Variants in DEUP1 observed in about 807,000 individuals in gnomAD.
DEUP1 encodes the protein deuterosome assembly protein 1, also known as coiled-coil domain containing 67.
In DEUP1, 82 loss-of-function variants were observed where a neutral mutation model predicts 87.4. The ratio of observed to expected loss-of-function variants is 0.94; its 90% confidence interval spans 0.78 to 1.13. DEUP1 has a LOEUF of 1.13. Among genes scored for constraint, DEUP1 ranks in the 50% most tolerant of loss-of-function variants. DEUP1 has a pLI of 0.00. For missense variants in DEUP1, 663 were observed against 681.5 expected (o/e 0.97, Z 0.30); for synonymous variants, 214 against 222.7 (o/e 0.96, Z 0.35).
At chr11:93,351,373 A>G (rs1332007872) in intron 2 of DEUP1, among the ~76,000 whole-genome samples, 1 of 152,212 alleles carries the variant, frequency 6.6e-6, no homozygotes, top group East Asian at 1.9e-4. Context: ...TTCATTCTTT[A>G]GAGATTTATT....
chr11:93,433,432 T>C (rs1232619706), intron 13 of DEUP1, among the ~76,000 whole-genome samples: 1 of 152,144 alleles, frequency 6.6e-6, no homozygotes, highest in Non-Finnish European at 1.5e-5. Flanking sequence ...AGTGGGAGGA[T>C]CACTTGAGCC....
intron 6 of DEUP1, among the ~76,000 whole-genome samples, chr11:93,370,451 C>T (rs2134264232): frequency 6.6e-6 from 1 of 152,324 alleles, no homozygotes; most frequent in African/African-American, 2.4e-5. Context: ...AGGCAAGGCA[C>T]TCAAAGAATT....
At chr11:93,369,725 A>T (rs1945616243) in intron 5 of DEUP1, among the ~76,000 whole-genome samples, 1 of 49,610 alleles carries the variant, frequency 2.0e-5, no homozygotes, top group Non-Finnish European at 3.9e-5. Flanking sequence ...AGGTCAGGAG[A>T]TCGAGACCAT....
Position 93,437,767 on chromosome 11 carries a change from A to G in DEUP1, c.*48A>G. 6.6e-6 allele frequency: 6 copies of G among 907,400 alleles called. No homozygotes were observed. The highest frequency in any genetic ancestry group is 8.3e-6 in the Non-Finnish European group (5 of 600,820). 56.2% of individuals were successfully genotyped at this position (907,400 alleles called of 1,614,324 possible). A position where few individuals can be genotyped will look rare whatever the true frequency, so the allele number is the denominator to read the frequency against. On this transcript the variant is annotated 3_prime_UTR_variant, in exon 14 of 14. Coordinates refer to ENST00000298050, the MANE Select transcript of DEUP1 (RefSeq NM_181645.4). ...TTCCCCCCCCCACCCCCGCCAAGAA[A>G]AAAAGCTCTGGCAAAATATTTACAA...
At chr11:93,403,895 A>G (rs2134400734) in intron 11 of DEUP1, among the ~76,000 whole-genome samples, 1 of 152,200 alleles carries the variant, frequency 6.6e-6, no homozygotes, top group South Asian at 2.1e-4. Flanking sequence ...TACGTCAGGC[A>G]ACAGAAACAA....
chr11:93,382,477 T>A (rs985511862), intron 7 of DEUP1, among the ~76,000 whole-genome samples: 3 of 152,240 alleles, frequency 2.0e-5, no homozygotes, highest in Admixed American at 2.0e-4. Flanking sequence ...TTCCTGTCAA[T>A]GGTGTCTCCA....
At chr11:93,436,526 A>G (rs1948253485) in intron 13 of DEUP1, among the ~76,000 whole-genome samples, 1 of 152,236 alleles carries the variant, frequency 6.6e-6, no homozygotes, top group African/African-American at 2.4e-5. Flanking sequence ...CCAGGCTGTG[A>G]TAGTCTTCTC....
At chr11:93,431,596 T>G (rs1249951982) in intron 13 of DEUP1, among the ~76,000 whole-genome samples, 1 of 152,204 alleles carries the variant, frequency 6.6e-6, no homozygotes, top group Non-Finnish European at 1.5e-5. Context: ...TGTTTAAAAT[T>G]TTTAAAAGAT....
chr11:93,330,038 C>A, upstream of DEUP1: 1 of 152,226 alleles, frequency 6.6e-6, no homozygotes, highest in Non-Finnish European at 1.5e-5. Flanking sequence ...CAACACTGTC[C>A]GTTCGCCTGA....
At chr11:93,331,211 G>A (rs994601136) in intron 1 of DEUP1, among the ~76,000 whole-genome samples, 1 of 152,196 alleles carries the variant, frequency 6.6e-6, no homozygotes, top group Non-Finnish European at 1.5e-5. Context: ...ATTTGGAAGT[G>A]ATGTGAGCTC....
chr11:93,352,521 G>T, intron 2 of DEUP1: 1 of 631,580 alleles, frequency 1.6e-6, no homozygotes, highest in Non-Finnish European at 2.9e-6. Flanking sequence ...ATTACTATGT[G>T]TATGACTATT....
intron 4 of DEUP1, 188 bp downstream of exon 4, chr11:93,357,231 A>G (rs1179801171): frequency 1.2e-5 from 6 of 485,610 alleles, no homozygotes; most frequent in African/African-American, 1.0e-4. Context: ...GTCTTGCTAT[A>G]TTTTCTGTGC....
intron 13 of DEUP1, among the ~76,000 whole-genome samples, chr11:93,434,589 C>T (rs1000013205): frequency 6.6e-6 from 1 of 152,238 alleles, no homozygotes; most frequent in East Asian, 1.9e-4. Flanking sequence ...GCATGAGGAG[C>T]CCAAAGTGAC....
chr11:93,413,201 T>C (rs1162632518), intron 12 of DEUP1, among the ~76,000 whole-genome samples: 2 of 151,914 alleles, frequency 1.3e-5, no homozygotes, highest in East Asian at 3.9e-4. Flanking sequence ...AAATAAATAA[T>C]TTCAAATTGA....
intron 2 of DEUP1, among the ~76,000 whole-genome samples, chr11:93,344,020 CAAAA>C (rs1944206101): frequency 6.6e-6 from 1 of 151,880 alleles, no homozygotes; most frequent in Non-Finnish European, 1.5e-5. Context: ...TTTTGGATGA[CAAAA>C]AAGTGCTTGA....
At chr11:93,436,517 C>T (rs74436748) in intron 13 of DEUP1, among the ~76,000 whole-genome samples, 8,140 of 152,266 alleles carry the variant, frequency 0.053, 674 homozygotes, top group African/African-American at 0.18. Flanking sequence ...CCATCTACCC[C>T]AGGCTGTGAT....
At chr11:93,355,310 A>T (rs1200283092) in intron 2 of DEUP1, 61 bp from the exon 3 acceptor site, 1 of 1,452,172 alleles carries the variant, frequency 6.9e-7, no homozygotes, top group Admixed American at 1.9e-5. Flanking sequence ...CAATGTAATA[A>T]TTTTTTTTGC....
chr11:93,382,799 A>T (rs1359147460), intron 7 of DEUP1, among the ~76,000 whole-genome samples: 1 of 152,180 alleles, frequency 6.6e-6, no homozygotes, highest in Non-Finnish European at 1.5e-5. Flanking sequence ...TTGGTAATCT[A>T]TTGTTTTGCA....
chr11:93,362,353 C>T (rs1322308400), intron 4 of DEUP1, among the ~76,000 whole-genome samples: 1 of 151,702 alleles, frequency 6.6e-6, no homozygotes, highest in African/African-American at 2.4e-5. Flanking sequence ...GAATAACTTA[C>T]TAATTAATAA....
Sources: gnomAD v4.1 joint callset for allele counts (sites outside exome capture counted in the v4.1 genomes callset) on GRCh38, gnomAD v4.1.1 for gene constraint, MANE v1.5 for transcripts, NCBI Gene and HGNC (gene_info 2026-07-23, HGNC 2026-07-21) for gene names.